The following KAZN variants were observed in gnomAD, a reference collection of about 807,000 sequenced individuals.
KAZN encodes kazrin, periplakin interacting protein.
KAZN carries 40 observed loss-of-function variants against 87.4 expected under a neutral mutation model. The ratio of observed to expected loss-of-function variants is 0.46; its 90% CI spans 0.36 to 0.60. The LOEUF (loss-of-function observed/expected upper bound fraction) is 0.60. KAZN is among the 20% of genes least tolerant of loss of function. The pLI, the probability that KAZN is intolerant of heterozygous loss-of-function variation, is 0.00. For synonymous variants in KAZN, 466 were observed against 458.3 expected (o/e 1.02, Z -0.22); for missense variants, 898 against 1,073.9 (o/e 0.84, Z 2.29).
intron 1 of KAZN, among the ~76,000 whole-genome samples, chr1:14,035,617 G>GAGTGGCATA (rs1641521689): frequency 6.8e-6 from 1 of 147,974 alleles, no homozygotes; most frequent in Non-Finnish European, 1.5e-5. Flanking sequence ...CTACAGGCAT[G>GAGTGGCATA]AGTCACCAAG....
At chr1:14,703,605 G>C (rs941893964) in intron 1 of KAZN, among the ~76,000 whole-genome samples, 1 of 152,192 alleles carries the variant, frequency 6.6e-6, no homozygotes, top group African/African-American at 2.4e-5. Context: ...TTTATTAGCA[G>C]CATGAGAATG....
chr1:14,226,951 G>A (rs1234629927), intron 2 of KAZN, among the ~76,000 whole-genome samples: 5 of 152,120 alleles, frequency 3.3e-5, no homozygotes, highest in Admixed American at 1.3e-4. Context: ...TGGGTACTAC[G>A]CTGATAACCT....
chr1:14,726,021 C>T (rs1643365066), intron 1 of KAZN, among the ~76,000 whole-genome samples: 1 of 152,210 alleles, frequency 6.6e-6, no homozygotes, highest in Non-Finnish European at 1.5e-5. Context: ...TGCTCCCAAA[C>T]TGTGAATGTC....
At chr1:14,886,845 C>CACTT (rs776461514) in intron 1 of KAZN, among the ~76,000 whole-genome samples, 2 of 152,154 alleles carry the variant, frequency 1.3e-5, no homozygotes, top group Non-Finnish European at 2.9e-5. Context: ...TGTATATGTA[C>CACTT]ACTTACACAC....
chr1:14,319,323 T>G (rs1432955754), intron 2 of KAZN, among the ~76,000 whole-genome samples: 1 of 152,086 alleles, frequency 6.6e-6, no homozygotes, highest in African/African-American at 2.4e-5. Flanking sequence ...GAGTGATTAC[T>G]GAATCACCAG....
intron 1 of KAZN, among the ~76,000 whole-genome samples, chr1:14,793,576 T>C (rs1248969559): frequency 6.6e-6 from 1 of 152,194 alleles, no homozygotes; most frequent in Non-Finnish European, 1.5e-5. Flanking sequence ...TATAGGGTTA[T>C]TGTGAGGATT....
intron 1 of KAZN, among the ~76,000 whole-genome samples, chr1:14,764,394 C>CT (rs1553127296): frequency 6.8e-6 from 1 of 147,994 alleles, no homozygotes; most frequent in Non-Finnish European, 1.5e-5. Context: ...ACACCCCCCC[C>CT]ACAATGTGGG....
At chr1:15,028,860 G>T (rs549413146) in intron 2 of KAZN, among the ~76,000 whole-genome samples, 1 of 152,312 alleles carries the variant, frequency 6.6e-6, no homozygotes, top group South Asian at 2.1e-4. Flanking sequence ...GCCTGCCCTG[G>T]TGTGTCTGTT....
intron 1 of KAZN, among the ~76,000 whole-genome samples, chr1:14,702,494 C>G (rs1641988189): frequency 6.6e-6 from 1 of 152,072 alleles, no homozygotes; most frequent in Non-Finnish European, 1.5e-5. Context: ...AGATGAAAAC[C>G]CAAAAACTTT....
At chr1:14,311,186 A>G (rs1161336093) in intron 2 of KAZN, among the ~76,000 whole-genome samples, 2 of 152,176 alleles carry the variant, frequency 1.3e-5, no homozygotes, top group African/African-American at 4.8e-5. Context: ...AAGGAATATC[A>G]TGGAGGGTTA....
chr1:14,328,986 T>C (rs1379263163), intron 2 of KAZN, among the ~76,000 whole-genome samples: 1 of 152,134 alleles, frequency 6.6e-6, no homozygotes, highest in East Asian at 1.9e-4. Flanking sequence ...CTTTTATGGA[T>C]ACAAGAAAAG....
At chr1:14,514,477 T>TATA (rs1186961999) in intron 2 of KAZN, among the ~76,000 whole-genome samples, 1,020 of 20,838 alleles carry the variant, frequency 0.049, 119 homozygotes, top group African/African-American at 0.11. Context: ...TATAAATATT[T>TATA]TATATAAATA....
Position 14,938,316 on chromosome 1 carries a change from C to A in KAZN, c.227-22368C>A, listed in dbSNP as rs1280903647. Among the ~76,000 whole-genome samples the A allele has an allele frequency of 2.0e-5, 3 of 152,180 alleles. No individual in the cohort carries two copies. In the South Asian group the frequency reaches 6.2e-4, roughly 32 times the overall value. ...CAACACTTTGGGAGGCCAAGGCAGG[C>A]GGATCACCTGAGGTCAGGAGTTCGA... On this transcript the variant is annotated intron_variant, in intron 1 of 14. Transcript: ENST00000376030.
intron 1 of KAZN, among the ~76,000 whole-genome samples, chr1:14,056,484 C>A (rs949714365): frequency 6.6e-6 from 1 of 152,226 alleles, no homozygotes; most frequent in African/African-American, 2.4e-5. Flanking sequence ...AGGGACCCAG[C>A]CCTGCTGACA....
chr1:13,906,447 G>A (rs1639439921), intron 1 of KAZN, among the ~76,000 whole-genome samples: 1 of 152,148 alleles, frequency 6.6e-6, no homozygotes, highest in Non-Finnish European at 1.5e-5. Context: ...TAGGTGTGAG[G>A]AAATGATGCT....
At chr1:14,352,371 G>C (rs1424162405) in intron 2 of KAZN, among the ~76,000 whole-genome samples, 1 of 151,948 alleles carries the variant, frequency 6.6e-6, no homozygotes, top group African/African-American at 2.4e-5. Flanking sequence ...CTTAGGTAGA[G>C]GAAATAATAT....
At chr1:14,276,451 A>C (rs1243140326) in intron 2 of KAZN, among the ~76,000 whole-genome samples, 3 of 152,168 alleles carry the variant, frequency 2.0e-5, no homozygotes, top group East Asian at 3.9e-4. Flanking sequence ...TATATGACAA[A>C]AATTTGTTGC....
intron 1 of KAZN, among the ~76,000 whole-genome samples, chr1:14,907,391 G>A (rs1248311894): frequency 6.9e-6 from 1 of 144,018 alleles, no homozygotes; most frequent in Non-Finnish European, 1.5e-5. Flanking sequence ...AACAGAGTGA[G>A]ACCCTGTCTC....
At chr1:13,919,435 G>T (rs937443994) in intron 1 of KAZN, among the ~76,000 whole-genome samples, 2 of 152,178 alleles carry the variant, frequency 1.3e-5, no homozygotes, top group Non-Finnish European at 2.9e-5. Context: ...TATCACACAC[G>T]TTTAATATGT....
Sources: gnomAD v4.1 joint callset for allele counts (sites outside exome capture counted in the v4.1 genomes callset) on GRCh38, gnomAD v4.1.1 for gene constraint, MANE v1.5 for transcripts, NCBI Gene and HGNC (gene_info 2026-07-23, HGNC 2026-07-21) for gene names.